The following HEMK2 variants were observed in gnomAD, a reference collection of about 807,000 sequenced individuals.
HEMK2 encodes HemK methyltransferase 2, ETF1 glutamine and histone H4 lysine.
the HEMK2 span, among the ~76,000 whole-genome samples, chr21:28,817,980 T>TA: frequency 3.3e-5 from 5 of 152,132 alleles, no homozygotes; most frequent in Non-Finnish European, 7.4e-5. Context: ...CACATACAGA[T>TA]AGTGTGATGG....
At chr21:28,871,703 TTC>T in the HEMK2 span, among the ~76,000 whole-genome samples, 1 of 152,130 alleles carries the variant, frequency 6.6e-6, no homozygotes, top group Non-Finnish European at 1.5e-5. Flanking sequence ...AACCAATGCA[TTC>T]TCTCACAGTT....
chr21:28,838,987 A>G, the HEMK2 span, among the ~76,000 whole-genome samples: 113 of 83,260 alleles, frequency 1.4e-3, 7 homozygotes, highest in African/African-American at 6.9e-3. Flanking sequence ...ATATATATAT[A>G]TATATATATA....
the HEMK2 span, among the ~76,000 whole-genome samples, chr21:28,726,295 C>T: frequency 1.3e-5 from 2 of 151,796 alleles, no homozygotes; most frequent in African/African-American, 4.8e-5. Context: ...CAAAACAATA[C>T]AAATATATTT....
At chr21:28,613,031 T>G in the HEMK2 span, among the ~76,000 whole-genome samples, 1 of 151,958 alleles carries the variant, frequency 6.6e-6, no homozygotes, top group Non-Finnish European at 1.5e-5. Flanking sequence ...ACAAATTTAA[T>G]GCAATTCAAA....
At chr21:28,831,534 G>A in the HEMK2 span, among the ~76,000 whole-genome samples, 400 of 45,742 alleles carry the variant, frequency 8.7e-3, 1 homozygote, top group Middle Eastern at 0.023. Flanking sequence ...AAGGAAAGAA[G>A]GAAAGAAGGA....
chr21:28,713,040 C>T, the HEMK2 span, among the ~76,000 whole-genome samples: 1 of 152,148 alleles, frequency 6.6e-6, no homozygotes, highest in Non-Finnish European at 1.5e-5. Flanking sequence ...TAAATAAGGA[C>T]AAAGGTACTC....
chr21:28,671,183 A>T, the HEMK2 span: 6 of 152,244 alleles, frequency 3.9e-5, no homozygotes, highest in Non-Finnish European at 7.3e-5. Context: ...CCTGTGATCC[A>T]TGTATTTCTC....
the HEMK2 span, among the ~76,000 whole-genome samples, chr21:28,793,334 A>G: frequency 2.0e-5 from 3 of 152,226 alleles, no homozygotes; most frequent in Non-Finnish European, 2.9e-5. Context: ...CAATTTCAAT[A>G]ACTCATTTGC....
At chr21:28,806,507 T>A in the HEMK2 span, among the ~76,000 whole-genome samples, 358 of 152,296 alleles carry the variant, frequency 2.4e-3, 1 homozygote, top group African/African-American at 8.2e-3. Context: ...AGGGTAATTA[T>A]AGATGAAATT....
At chr21:28,825,664 A>G in the HEMK2 span, among the ~76,000 whole-genome samples, 1 of 152,220 alleles carries the variant, frequency 6.6e-6, no homozygotes, top group Non-Finnish European at 1.5e-5. Flanking sequence ...GCAAAATTCA[A>G]TGCGTAAGCA....
chr21:28,729,013 A>G, the HEMK2 span, among the ~76,000 whole-genome samples: 51,321 of 152,038 alleles, frequency 0.34, 9,640 homozygotes, highest in African/African-American at 0.49. Context: ...AAGCTTTGGG[A>G]CTGAGAGTGT....
chr21:28,804,914 T>C, the HEMK2 span, among the ~76,000 whole-genome samples: 2 of 152,244 alleles, frequency 1.3e-5, no homozygotes, highest in African/African-American at 4.8e-5. Flanking sequence ...TTTCTCAAAG[T>C]ACCCTGAGAG....
the HEMK2 span, among the ~76,000 whole-genome samples, chr21:28,587,516 T>A: frequency 2.0e-5 from 3 of 152,210 alleles, no homozygotes; most frequent in Non-Finnish European, 2.9e-5. Flanking sequence ...CCTAAAAAAC[T>A]AATTTACTAC....
chr21:28,841,216 AT>A, the HEMK2 span, among the ~76,000 whole-genome samples: 1 of 14,670 alleles, frequency 6.8e-5, no homozygotes, highest in Admixed American at 1.5e-3. Flanking sequence ...AATATATTAT[AT>A]ATATTATATA....
chr21:28,759,187 C>A, the HEMK2 span, among the ~76,000 whole-genome samples: 1 of 152,132 alleles, frequency 6.6e-6, no homozygotes, highest in African/African-American at 2.4e-5. Flanking sequence ...AGCAAGATCC[C>A]AGCATTTTCA....
the HEMK2 span, among the ~76,000 whole-genome samples, chr21:28,626,841 C>T: frequency 6.6e-6 from 1 of 152,162 alleles, no homozygotes; most frequent in Admixed American, 6.5e-5. Context: ...GACACTACTT[C>T]AAACCCACTC....
At chr21:28,693,178 T>A in the HEMK2 span, among the ~76,000 whole-genome samples, 1 of 152,172 alleles carries the variant, frequency 6.6e-6, no homozygotes, top group Non-Finnish European at 1.5e-5. Context: ...TAAAAACTTT[T>A]AAAATATATG....
chr21:28,878,221 T>G, the HEMK2 span: 3 of 1,594,532 alleles, frequency 1.9e-6, no homozygotes, highest in Non-Finnish European at 2.6e-6. Flanking sequence ...GGTAACTAAA[T>G]AGAATAATCC....
At chr21:28,795,886 A>T in the HEMK2 span, among the ~76,000 whole-genome samples, 1 of 152,198 alleles carries the variant, frequency 6.6e-6, no homozygotes, top group Non-Finnish European at 1.5e-5. Flanking sequence ...GTCTGATGAC[A>T]ATATTAGAAA....
Sources: gnomAD v4.1 joint callset for allele counts (sites outside exome capture counted in the v4.1 genomes callset) on GRCh38, gnomAD v4.1.1 for gene constraint, MANE v1.5 for transcripts, NCBI Gene and HGNC (gene_info 2026-07-23, HGNC 2026-07-21) for gene names.